The following NOVA2 variants were observed in gnomAD, a reference collection of about 807,000 sequenced individuals.
The protein encoded by NOVA2 is RNA-binding protein Nova-2.
Under a neutral mutation model 22.5 loss-of-function variants are expected in NOVA2, and 9 were observed. The observed-to-expected ratio is 0.40, with a 90% CI of 0.24 to 0.70. NOVA2 has a LOEUF of 0.70. Ranked by LOEUF, NOVA2 falls within the 30% of genes least tolerant of loss-of-function variation. The probability of loss-of-function intolerance (pLI) is 0.38; values close to 1 mark genes in which losing one functional copy is unlikely to be tolerated. For synonymous variants in NOVA2, 318 were observed against 335.2 expected (o/e 0.95, Z 0.56); for missense variants, 383 against 682.8 (o/e 0.56, Z 4.89).
chr19:45,962,844 C>T (rs1305411471), intron 1 of NOVA2, among the ~76,000 whole-genome samples: 3 of 152,002 alleles, frequency 2.0e-5, no homozygotes, highest in Non-Finnish European at 4.4e-5. Flanking sequence ...GACGGGGTTT[C>T]GCCATGTTGG....
rs749006062 is a variant in NOVA2 at position 45,937,912 on chromosome 19, C to G, written c.*1951G>C. On this transcript the variant is annotated 3_prime_UTR_variant, in exon 4 of 4. Transcript: ENST00000263257. ...TAGGCTTTAGGGGCAGGAATTGTCT[C>G]TGTGGCTTTTCTTCCCTCCTTTTTT... 4.6e-5 allele frequency: 7 copies of G among 152,144 alleles called. No homozygotes were observed. Among genetic ancestry groups the G allele is most frequent in the Non-Finnish European group, 8.8e-5 (6 of 68,050 alleles). The allele number at this position is 152,144 out of a possible 1,614,324, so 9.4% of individuals were successfully genotyped here.
chr19:45,953,851 C>G lies in NOVA2; in HGVS notation c.325G>C (p.Ala109Pro), dbSNP rs760366807. 1.9e-6 allele frequency: 3 copies of G among 1,614,204 alleles called. No homozygotes were observed. Among genetic ancestry groups the G allele is most frequent in the Non-Finnish European group, 2.5e-6 (3 of 1,180,040 alleles). ...IAEKVREIPQ[A>P]MTKPEVVNIL... ...TTGACCACCTCAGGCTTGGTCATCGCTTGTGGGATTTCTCGGACCTTCTCG... is the reference window on the plus strand; with the variant it reads ...TTGACCACCTCAGGCTTGGTCATCGGTTGTGGGATTTCTCGGACCTTCTCG... The change falls in exon 3 of 4, where the codon GCG (alanine) becomes CCG (proline). Residue 109 changes from alanine to proline, a missense_variant. By Grantham distance (27) the Ala-to-Pro change is conservative. Around this residue, in one of 2 missense-constraint regions of NOVA2, gnomAD observed 349 missense variants for 578.1 expected, o/e 0.60. Coordinates refer to ENST00000263257, the MANE Select transcript of NOVA2 (RefSeq NM_002516.4).
chr19:45,940,577 G>A lies in NOVA2; in HGVS notation c.765C>T (p.Pro255=), dbSNP rs1967738578. The part of the protein sequence containing the change: ...SAAAASGLLG[P]AGLAGVGAFP... ...AGGCCCCCACGCCAGCCAGCCCGGC[G>A]GGGCCCAGCAGGCCGGAGGCGGCGG... The change falls in exon 4 of 4, where the codon CCC becomes CCT. Residue 255 remains proline (P), a synonymous_variant. Coordinates refer to ENST00000263257, the MANE Select transcript of NOVA2 (RefSeq NM_002516.4). The A allele has an allele frequency of 3.4e-6, 5 of 1,450,536 alleles. No individual in the cohort carries two copies. The highest frequency in any genetic ancestry group is 1.5e-5 in the African/African-American group (1 of 67,562). 89.9% of individuals were successfully genotyped at this position (1,450,536 alleles called of 1,614,324 possible).
rs149521600 is a variant in NOVA2, at chr19:45,970,068, T to C, written c.85+3199A>G. On this transcript the variant is annotated intron_variant, in intron 1 of 3. Transcript: ENST00000263257. ...CACACAATGGAGCCAGCCGCCTAAGTTCACATCATGGTTCTGCTGCTTATC... is the reference window on the plus strand; with the variant it reads ...CACACAATGGAGCCAGCCGCCTAAGCTCACATCATGGTTCTGCTGCTTATC... 4.5e-4 allele frequency among the ~76,000 whole-genome samples: 68 copies of C among 152,248 alleles called. 3 individuals carry two copies. In the East Asian group the frequency reaches 0.013, roughly 29 times the overall value.
intron 3 of NOVA2, among the ~76,000 whole-genome samples, chr19:45,952,716 C>T (rs1001596237): frequency 1.3e-5 from 2 of 152,196 alleles, no homozygotes; most frequent in Non-Finnish European, 2.9e-5. Flanking sequence ...AGAAACCTGG[C>T]GGGGAGCGAG....
chr19:45,966,845 C>A (rs1968173713), intron 1 of NOVA2, among the ~76,000 whole-genome samples: 3 of 152,026 alleles, frequency 2.0e-5, no homozygotes, highest in Admixed American at 2.0e-4. Context: ...CCACTGCACT[C>A]CAGCCTGGGC....
At chr19:45,972,192 C>T (rs1295240653) in intron 1 of NOVA2, among the ~76,000 whole-genome samples, 1 of 152,050 alleles carries the variant, frequency 6.6e-6, no homozygotes, top group Non-Finnish European at 1.5e-5. Context: ...TTTACACACC[C>T]TCGTGCGTTT....
chr19:45,958,860 C>T (rs1323152624), intron 2 of NOVA2, among the ~76,000 whole-genome samples: 2 of 152,202 alleles, frequency 1.3e-5, no homozygotes, highest in Admixed American at 6.5e-5. Context: ...CTGCTCTGGT[C>T]GTCTCTTCCA....
intron 2 of NOVA2, 82 bp downstream of exon 2, chr19:45,960,928 C>T (rs1968086910): frequency 7.1e-7 from 1 of 1,403,548 alleles, no homozygotes; most frequent in Non-Finnish European, 9.7e-7. Flanking sequence ...GGCAGACCTT[C>T]CCCCTCATCT....
chr19:45,934,731 G>C lies in NOVA2; in HGVS notation c.*5132C>G, dbSNP rs963706521. 1 of 152,214 alleles carries C rather than the reference G, an allele frequency of 6.6e-6. No individual in the cohort carries two copies. The highest frequency in any genetic ancestry group is 1.5e-5 in the Non-Finnish European group (1 of 68,138). The allele number at this position is 152,214 out of a possible 1,614,324, so 9.4% of individuals were successfully genotyped here. ...CACACGAAGGAGGGGGTCAGAGTGA[G>C]CGCTCCATTTGAGGGAGGCCACGCC... is the stretch of plus-strand genomic sequence containing the variant. On this transcript the variant is annotated 3_prime_UTR_variant, in exon 4 of 4. Coordinates refer to ENST00000263257, the MANE Select transcript of NOVA2 (RefSeq NM_002516.4).
intron 3 of NOVA2, among the ~76,000 whole-genome samples, chr19:45,946,602 G>A (rs979350095): frequency 6.6e-6 from 1 of 152,146 alleles, no homozygotes; most frequent in Non-Finnish European, 1.5e-5. Flanking sequence ...AGCCAGGCAC[G>A]GTGGCTCACG....
At chr19:45,943,220 A>T (rs1245747924) in intron 3 of NOVA2, among the ~76,000 whole-genome samples, 1 of 150,432 alleles carries the variant, frequency 6.6e-6, no homozygotes, top group Non-Finnish European at 1.5e-5. Context: ...TGCCCAGCTA[A>T]TTTTTTTGTA....
intron 2 of NOVA2, among the ~76,000 whole-genome samples, chr19:45,958,808 T>G (rs962770527): frequency 3.3e-5 from 5 of 152,200 alleles, no homozygotes; most frequent in African/African-American, 1.2e-4. Flanking sequence ...TTTGTCTTCC[T>G]GGGCACACTT....
At chr19:45,959,695 GGA>G (rs146063602) in intron 2 of NOVA2, among the ~76,000 whole-genome samples, 52 of 148,646 alleles carry the variant, frequency 3.5e-4, no homozygotes, top group Non-Finnish European at 4.0e-4. Flanking sequence ...GGTGGATGGT[GGA>G]GAGAGAGAGA....
At chr19:45,941,655 G>A (rs1967760047) in intron 3 of NOVA2, among the ~76,000 whole-genome samples, 1 of 152,166 alleles carries the variant, frequency 6.6e-6, no homozygotes, top group Non-Finnish European at 1.5e-5. Flanking sequence ...CCAGCACTTT[G>A]ACAGGCTGAG....
intron 3 of NOVA2, among the ~76,000 whole-genome samples, chr19:45,952,532 G>C (rs569979636): frequency 6.6e-6 from 1 of 152,280 alleles, no homozygotes; most frequent in South Asian, 2.1e-4. Context: ...AGGGGGAGGG[G>C]GTAGAAGGCT....
At chr19:45,941,855 G>C (rs1203617455) in intron 3 of NOVA2, among the ~76,000 whole-genome samples, 1 of 152,180 alleles carries the variant, frequency 6.6e-6, no homozygotes, top group Non-Finnish European at 1.5e-5. Flanking sequence ...GGGACTCTTA[G>C]TACTTCCTCT....
intron 3 of NOVA2, among the ~76,000 whole-genome samples, chr19:45,948,528 AG>A (rs1231652178): frequency 1.4e-5 from 2 of 138,438 alleles, no homozygotes; most frequent in Non-Finnish European, 3.1e-5. Flanking sequence ...TGAACCCGGG[AG>A]GGGGAGCTTG....
rs1382036145 is a variant in NOVA2 at position 45,953,893 on chromosome 19, C to T, written c.283G>A (p.Val95Met). ...VQGTAEALNA[V>M]HSFIAEKVRE... ...ACCTTCTCGGCAATAAAGCTGTGCA[C>T]AGCATTCAAGGCCTCTGCCGTGCCC... is the stretch of plus-strand genomic sequence containing the variant. The change falls in exon 3 of 4, where the codon GTG (valine) becomes ATG (methionine). Residue 95 changes from valine (V) to methionine (M), a missense_variant. By Grantham distance (21) the Val-to-Met change is conservative. Around this residue, in one of 2 missense-constraint regions of NOVA2, gnomAD observed 349 missense variants for 578.1 expected, o/e 0.60. Coordinates refer to ENST00000263257, the MANE Select transcript of NOVA2 (RefSeq NM_002516.4). 1.9e-6 allele frequency: 3 copies of T among 1,614,064 alleles called. No individual in the cohort carries two copies. The highest frequency in any genetic ancestry group is 2.5e-6 in the Non-Finnish European group (3 of 1,180,050).
Sources: gnomAD v4.1 joint callset for allele counts (sites outside exome capture counted in the v4.1 genomes callset) on GRCh38, gnomAD v4.1.1 for gene constraint, gnomAD v4.1.1 regional missense constraint, MANE v1.5 for transcripts, NCBI Gene and HGNC (gene_info 2026-07-23, HGNC 2026-07-21) for gene names.